Variants in VPS26C observed in about 807,000 individuals in gnomAD.
The protein encoded by VPS26C is VPS26 endosomal protein sorting factor C.
In VPS26C, 19 loss-of-function variants were observed where a neutral mutation model predicts 30.6. The ratio of observed to expected loss-of-function variants is 0.62; its 90% CI spans 0.43 to 0.91. VPS26C has a LOEUF of 0.91. Ranked by LOEUF, VPS26C falls within the 40% of genes least tolerant of loss-of-function variation. The pLI is 0.00. For missense variants in VPS26C, 318 were observed against 385.1 expected, an observed-to-expected ratio of 0.83 and a Z score of 1.46; for synonymous variants, 132 against 151.5, an observed-to-expected ratio of 0.87 and a Z score of 0.95.
intron 1 of VPS26C, among the ~76,000 whole-genome samples, chr21:37,249,324 AACT>A (rs2086168847): frequency 6.6e-6 from 1 of 152,234 alleles, no homozygotes; most frequent in Non-Finnish European, 1.5e-5. Flanking sequence ...TCCACTGAAA[AACT>A]ACTATCAACA....
At chr21:37,254,663 T>C (rs543956420) in intron 1 of VPS26C, among the ~76,000 whole-genome samples, 4 of 151,650 alleles carry the variant, frequency 2.6e-5, no homozygotes, top group African/African-American at 9.7e-5. Flanking sequence ...ATACAAAAAA[T>C]AGCCAGGCAT....
chr21:37,232,491 C>T, intron 4 of VPS26C, 40 bp from the exon 5 acceptor site: 1 of 1,531,752 alleles, frequency 6.5e-7, no homozygotes, highest in Non-Finnish European at 9.0e-7. Flanking sequence ...AGGTGAAGGC[C>T]AAGAGTTCTG....
In VPS26C at chr21:37,233,484, A is replaced by T. The variant is rs1415105354; in HGVS notation, c.352-42T>A. ...GAGGAAAAAAGTTCATTTTAGTGGG[A>T]TTTGCTTTCATCTTGGAATTATATT... is the stretch of plus-strand genomic sequence containing the variant. On this transcript the variant is annotated intron_variant, in intron 3 of 7. Coordinates refer to ENST00000309117, the MANE Select transcript of VPS26C (RefSeq NM_006052.2). This position sits in a 1 kb window ranked among gnomAD's most constrained non-coding sequence, Gnocchi z 5.2. The T allele has an allele frequency of 4.9e-6, 7 of 1,419,654 alleles. No individual in the cohort carries two copies. The African/African-American group carries it at 7.0e-5, about 14-fold the overall frequency. The allele number at this position is 1,419,654 out of a possible 1,614,324, so 87.9% of individuals were successfully genotyped here. A position where few individuals can be genotyped will look rare whatever the true frequency, so the allele number is the denominator to read the frequency against.
intron 1 of VPS26C, among the ~76,000 whole-genome samples, chr21:37,242,937 A>C (rs1267550315): frequency 2.0e-5 from 3 of 152,200 alleles, no homozygotes; most frequent in Non-Finnish European, 4.4e-5. Context: ...TACAAAATTA[A>C]CATTTGTGGA....
Position 37,224,495 on chromosome 21 carries a change from C to T in VPS26C, c.*1049G>A, listed in dbSNP as rs967815774. 1 of 152,184 alleles carries T rather than the reference C, an allele frequency of 6.6e-6. No homozygotes were observed. 9.4% of individuals were successfully genotyped at this position (152,184 alleles called of 1,614,324 possible). On this transcript the variant is annotated 3_prime_UTR_variant, in exon 8 of 8. Coordinates refer to ENST00000309117, the MANE Select transcript of VPS26C (RefSeq NM_006052.2). ...CGTGAGCTGTGATCCTGCCAGTGCA[C>T]TCAGCCTGCGTGACACAGTTTGGAA...
intron 1 of VPS26C, among the ~76,000 whole-genome samples, chr21:37,250,468 A>G (rs898438035): frequency 6.6e-6 from 1 of 152,214 alleles, no homozygotes; most frequent in Admixed American, 6.5e-5. Context: ...TGAATGCCTC[A>G]AAACTCTGAA....
At chr21:37,229,827 T>A (rs2085943214) in intron 5 of VPS26C, among the ~76,000 whole-genome samples, 1 of 152,164 alleles carries the variant, frequency 6.6e-6, no homozygotes, top group African/African-American at 2.4e-5. Context: ...TCCCCAAAGG[T>A]ACAGACCTCT....
intron 1 of VPS26C, among the ~76,000 whole-genome samples, chr21:37,266,151 C>T (rs1020794993): frequency 6.6e-6 from 1 of 152,052 alleles, no homozygotes; most frequent in African/African-American, 2.4e-5. Flanking sequence ...CTCCTGACCT[C>T]AGGTGATCCG....
At position 37,232,020 on chromosome 21, in the gene VPS26C, A is replaced by G. The variant is rs2085969985; in HGVS notation, c.507+357T>C. 1.6e-5 allele frequency: 4 copies of G among 247,368 alleles called. No homozygotes were observed. The South Asian group carries it at 3.7e-4, about 23-fold the overall frequency. 15.3% of individuals were successfully genotyped at this position (247,368 alleles called of 1,614,324 possible). A position where few individuals can be genotyped will look rare whatever the true frequency, so the allele number is the denominator to read the frequency against. ...CTAAACATCCATGGAGGATGACAAC[A>G]GGCCAGGGGGCCGGGCGCAGGCCCC... On this transcript the variant is annotated intron_variant, in intron 5 of 7. Coordinates refer to ENST00000309117, the MANE Select transcript of VPS26C (RefSeq NM_006052.2).
At position 37,223,990 on chromosome 21, in the gene VPS26C, C is replaced by T. The variant is rs1047784791; in HGVS notation, c.*1554G>A. 6.6e-6 allele frequency: 1 copy of T among 152,248 alleles called. No individual in the cohort carries two copies. The highest frequency in any genetic ancestry group is 1.5e-5 in the Non-Finnish European group (1 of 68,050). 9.4% of individuals were successfully genotyped at this position (152,248 alleles called of 1,614,324 possible). On this transcript the variant is annotated 3_prime_UTR_variant, in exon 8 of 8. Coordinates refer to ENST00000309117, the MANE Select transcript of VPS26C (RefSeq NM_006052.2). Reference sequence around the variant, plus strand: ...ATGTATTGCAATAGTCCATATCCTTCGAACCACAAAGGGAGACTGAGGAAA... The same window carrying T: ...ATGTATTGCAATAGTCCATATCCTTTGAACCACAAAGGGAGACTGAGGAAA...
intron 1 of VPS26C, among the ~76,000 whole-genome samples, chr21:37,249,981 G>A (rs904834551): frequency 2.0e-5 from 3 of 152,142 alleles, no homozygotes; most frequent in Admixed American, 1.3e-4. Flanking sequence ...AAGTGATACT[G>A]GGAAACTGGC....
intron 1 of VPS26C, among the ~76,000 whole-genome samples, chr21:37,241,082 C>T (rs1344479798): frequency 1.3e-5 from 2 of 152,228 alleles, no homozygotes; most frequent in East Asian, 3.8e-4. Flanking sequence ...ATAGCGCTGA[C>T]TAAAATGACA....
chr21:37,260,529 T>C (rs1190370860), intron 1 of VPS26C, among the ~76,000 whole-genome samples: 2 of 152,014 alleles, frequency 1.3e-5, no homozygotes, highest in African/African-American at 4.8e-5. Context: ...CTTAATAAAA[T>C]ACTTAAAAAA....
intron 3 of VPS26C, among the ~76,000 whole-genome samples, chr21:37,236,190 G>A (rs776234976): frequency 2.5e-4 from 38 of 151,976 alleles, no homozygotes; most frequent in Non-Finnish European, 3.8e-4. Context: ...ATGTGCCTAT[G>A]TTAACCTTTA....
intron 1 of VPS26C, among the ~76,000 whole-genome samples, chr21:37,248,553 C>G (rs2086160140): frequency 6.6e-6 from 1 of 151,808 alleles, no homozygotes; most frequent in South Asian, 2.1e-4. Flanking sequence ...CAAAATCACT[C>G]CAAGGGAGAC....
intron 1 of VPS26C, chr21:37,261,635 T>TA (rs1190575566): frequency 6.8e-6 from 1 of 147,752 alleles, no homozygotes. Context: ...GAAGCACACA[T>TA]TTCTATACAA....
Position 37,257,125 on chromosome 21 carries a change from C to A in VPS26C, c.57+10113G>T, listed in dbSNP as rs897462424. The stretch of plus-strand genomic sequence containing the variant: ...CCAGCCTGGGTGACAGAGTGAGGCT[C>A]TGTCTCAAAAAAACAAAACACAAAA... On this transcript the variant is annotated intron_variant, in intron 1 of 7. Coordinates refer to ENST00000309117, the MANE Select transcript of VPS26C (RefSeq NM_006052.2). This position sits in a 1 kb window ranked among gnomAD's most constrained non-coding sequence, Gnocchi z 4.2. Among the ~76,000 whole-genome samples the A allele has an allele frequency of 1.7e-4, 26 of 152,082 alleles. No individual in the cohort carries two copies. The highest frequency in any genetic ancestry group is 6.0e-4 in the African/African-American group (25 of 41,402).
intron 1 of VPS26C, among the ~76,000 whole-genome samples, chr21:37,241,613 T>A (rs1305479571): frequency 6.6e-6 from 1 of 151,554 alleles, no homozygotes; most frequent in Non-Finnish European, 1.5e-5. Flanking sequence ...AGCCTAGGAG[T>A]TTGAGACCAG....
chr21:37,237,492 G>T (rs773892356), intron 3 of VPS26C: 3 of 152,212 alleles, frequency 2.0e-5, no homozygotes, highest in African/African-American at 7.2e-5. Flanking sequence ...GCATGGCTAC[G>T]TACGCAGCTT....
Sources: gnomAD v4.1 joint callset for allele counts (sites outside exome capture counted in the v4.1 genomes callset) on GRCh38, gnomAD v4.1.1 for gene constraint, Gnocchi (gnomAD v3.1) non-coding constraint, MANE v1.5 for transcripts, NCBI Gene and HGNC (gene_info 2026-07-23, HGNC 2026-07-21) for gene names.